HK3: variants seen among roughly 807,000 people sequenced by gnomAD.
The protein encoded by HK3 is hexokinase-3.
Under a neutral mutation model 91.0 loss-of-function variants are expected in HK3, and 93 were observed. The observed-to-expected ratio is 1.02, with a 90% confidence interval of 0.86 to 1.21. HK3 has a LOEUF of 1.21. HK3 is among the 50% of genes most tolerant of loss of function. The pLI, the probability that HK3 is intolerant of heterozygous loss-of-function variation, is 0.00. For missense variants in HK3, 1,235 were observed against 1,247.4 expected, an observed-to-expected ratio of 0.99 and a Z score of 0.15; for synonymous variants, 519 against 516.9, an observed-to-expected ratio of 1.00 and a Z score of -0.06.
chr5:176,881,392 G>A lies in HK3; in HGVS notation c.2537C>T (p.Ala846Val). 1 of 1,613,556 alleles carries A rather than the reference G, an allele frequency of 6.2e-7. No homozygotes were observed. Among genetic ancestry groups the A allele is most frequent in the Non-Finnish European group, 8.5e-7 (1 of 1,180,012 alleles). The change falls in exon 18 of 19, where the codon GCC becomes GTC. Residue 846 changes from alanine to valine, a missense_variant. Physicochemically the swap from Ala to Val is moderately conservative, Grantham distance 64. Transcript: ENST00000292432. ...GTTCTCCCGGATCTTCTCCACCACGGCAGCTACACCCGCCCCACAGAGCTG... is the reference window on the plus strand; with the variant it reads ...GTTCTCCCGGATCTTCTCCACCACGACAGCTACACCCGCCCCACAGAGCTG... ...AAQLCGAGVA[A>V]VVEKIRENRG...
At position 176,884,033 on chromosome 5, in the gene HK3, TCCTA is replaced by T; in HGVS notation, c.1953+2_1953+5del. On this transcript the variant is annotated splice_donor_variant and splice_donor_5th_base_variant and intron_variant, in intron 14 of 18. Coordinates refer to ENST00000292432, the MANE Select transcript of HK3 (RefSeq NM_002115.3). LOFTEE classifies it high-confidence loss of function. This position sits in a 1 kb window ranked among gnomAD's most constrained non-coding sequence, Gnocchi z 4.1. ...GCCCCAAAGCACCCCTAGAACAGGC[TCCTA>T]CCTGTCTGCGAGTGATGGCTTCCCG... 1 of 1,613,258 alleles carries T rather than the reference TCCTA, an allele frequency of 6.2e-7. No individual in the cohort carries two copies. Among genetic ancestry groups the T allele is most frequent in the Middle Eastern group, 1.7e-4 (1 of 6,060 alleles).
intron 5 of HK3, 41 bp from the exon 6 acceptor site, chr5:176,890,771 A>C: frequency 6.2e-7 from 1 of 1,614,214 alleles, no homozygotes. Flanking sequence ...GACGGCCTTC[A>C]TGGGGCTGCA....
chr5:176,882,143 A>G lies in HK3; in HGVS notation c.2054-16T>C. On this transcript the variant is annotated splice_polypyrimidine_tract_variant and intron_variant, in intron 15 of 18. Coordinates refer to ENST00000292432, the MANE Select transcript of HK3 (RefSeq NM_002115.3). ...GTGCCGGTTCCTGCAGAGAGGCCAG[A>G]CAACGTGGAAGCTACTTACTGATGT... is the stretch of plus-strand genomic sequence containing the variant. 1 of 1,611,844 alleles carries G rather than the reference A, an allele frequency of 6.2e-7. No homozygotes were observed. The highest frequency in any genetic ancestry group is 8.5e-7 in the Non-Finnish European group (1 of 1,179,642).
chr5:176,881,647 A>G (rs781155154), intron 17 of HK3, 45 bp downstream of exon 17: 22 of 1,609,786 alleles, frequency 1.4e-5, no homozygotes, highest in Non-Finnish European at 1.8e-5. Context: ...CACAGTGGAC[A>G]GAAAGACCCC....
intron 9 of HK3, 61 bp from the exon 10 acceptor site, chr5:176,888,626 C>A: frequency 6.2e-7 from 1 of 1,610,682 alleles, no homozygotes; most frequent in South Asian, 1.1e-5. Flanking sequence ...CCACTAAAGC[C>A]CCATGGCTAC....
chr5:176,883,964 C>A, intron 14 of HK3, 75 bp downstream of exon 14: 1 of 1,587,160 alleles, frequency 6.3e-7, no homozygotes, highest in South Asian at 1.1e-5. Flanking sequence ...GGGCTCCCCC[C>A]TCAGAAAGTA....
chr5:176,897,184 T>C (rs910119742), intron 1 of HK3, among the ~76,000 whole-genome samples: 1 of 152,210 alleles, frequency 6.6e-6, no homozygotes, highest in Non-Finnish European at 1.5e-5. Flanking sequence ...TCTATGATTC[T>C]CCATTTCCTC....
At chr5:176,882,229 C>T in intron 15 of HK3, 102 bp from the exon 16 acceptor site, 1 of 1,208,104 alleles carries the variant, frequency 8.3e-7, no homozygotes, top group South Asian at 1.3e-5. Context: ...CTCACTCTCT[C>T]TACCTCTCAT....
Position 176,887,589 on chromosome 5 carries a change from C to A in HK3, c.1462G>T (p.Ala488Ser). 6.2e-7 allele frequency: 1 copy of A among 1,613,876 alleles called. No individual in the cohort carries two copies. Among genetic ancestry groups the A allele is most frequent in the Non-Finnish European group, 8.5e-7 (1 of 1,180,008 alleles). The change falls in exon 11 of 19, where the codon GCC (alanine) becomes TCC (serine). Residue 488 changes from alanine (A) to serine (S), a missense_variant. This residue lies in a region of HK3 where 717 missense variants were observed against 751.6 expected (regional missense o/e 0.95). Coordinates refer to ENST00000292432, the MANE Select transcript of HK3 (RefSeq NM_002115.3). The surrounding 1 kb of genome is among the most constrained non-coding windows in gnomAD (Gnocchi z 4.9). ...TGATCATGGTTCAACCGGAATGGGGCCAGGGTCTCCTCCAGCAGGCGCCGG... is the reference window on the plus strand; with the variant it reads ...TGATCATGGTTCAACCGGAATGGGGACAGGGTCTCCTCCAGCAGGCGCCGG... ...AHRRLLEETL[A>S]PFRLNHDQLA... is the part of the protein sequence containing the mutation.
chr5:176,889,613 C>T, intron 7 of HK3, 32 bp downstream of exon 7: 1 of 1,614,156 alleles, frequency 6.2e-7, no homozygotes, highest in Non-Finnish European at 8.5e-7. Context: ...AGCACACCCT[C>T]CACCTGTCAT....
chr5:176,884,103 T>C lies in HK3; in HGVS notation c.1889A>G (p.Lys630Arg). ...ATCTTGGCCCTCGCAGTCTGATGCC[T>C]TGAAACCCTTGGTCCAGTTCAGGAG... ...GILLNWTKGFKASDCEGQDVV... is the reference protein window; with the variant it reads ...GILLNWTKGFRASDCEGQDVV... The change falls in exon 14 of 19, where the codon AAG becomes AGG. Residue 630 changes from lysine to arginine, a missense_variant. Lys to Arg is a conservative substitution (Grantham distance 26). This residue lies in a region of HK3 where 513 missense variants were observed against 477.4 expected (regional missense o/e 1.07). Coordinates refer to ENST00000292432, the MANE Select transcript of HK3 (RefSeq NM_002115.3). This position sits in a 1 kb window ranked among gnomAD's most constrained non-coding sequence, Gnocchi z 4.1. 1 of 1,614,110 alleles carries C rather than the reference T, an allele frequency of 6.2e-7. No individual in the cohort carries two copies. The highest frequency in any genetic ancestry group is 8.5e-7 in the Non-Finnish European group (1 of 1,180,028).
At chr5:176,891,624 A>G (rs1210984776) in intron 2 of HK3, 74 bp from the exon 3 acceptor site, 1 of 1,488,718 alleles carries the variant, frequency 6.7e-7, no homozygotes, top group Non-Finnish European at 9.1e-7. Flanking sequence ...CAAACAAGGC[A>G]GAGGCCTGCC....
rs755957085 is a variant in HK3 at position 176,883,844 on chromosome 5, A to G, written c.1979T>C (p.Ile660Thr). 5 of 1,613,946 alleles carry G rather than the reference A, an allele frequency of 3.1e-6. No individual in the cohort carries two copies. The highest frequency in any genetic ancestry group is 2.7e-5 in the African/African-American group (2 of 74,924). The change falls in exon 15 of 19, where the codon ATT becomes ACT. Residue 660 changes from isoleucine (I) to threonine (T), a missense_variant. Around this residue, in one of 3 missense-constraint regions of HK3, gnomAD observed 513 missense variants for 477.4 expected, o/e 1.07. Transcript: ENST00000292432. The stretch of plus-strand genomic sequence containing the variant: ...CATGGTCCCCACCGTGTCATTGACA[A>G]TGGCAACCACATTCAGCTCCACTGC... ...RQAVELNVVAIVNDTVGTMMS... is the reference protein window; with the variant it reads ...RQAVELNVVATVNDTVGTMMS...
rs142308218 is a variant in HK3 at position 176,881,716 on chromosome 5, G to C, written c.2369C>G (p.Thr790Ser). Reference sequence around the variant, plus strand: ...CCTTTCGATCTCAGAGAGGAACTTGGTCTTGAAGATGTCCCTGGTCTGAAG... The same window carrying C: ...CCTTTCGATCTCAGAGAGGAACTTGCTCTTGAAGATGTCCCTGGTCTGAAG... ...QRLQTRDIFK[T>S]KFLSEIESDS... Residue 790 changes from threonine to serine, a missense_variant, in exon 17 of 19, where the codon ACC becomes AGC. Physicochemically the swap from Thr to Ser is moderately conservative, Grantham distance 58. Around this residue, in one of 3 missense-constraint regions of HK3, gnomAD observed 513 missense variants for 477.4 expected, o/e 1.07. Coordinates refer to ENST00000292432, the MANE Select transcript of HK3 (RefSeq NM_002115.3). The C allele has an allele frequency of 6.2e-7, 1 of 1,613,990 alleles. No individual in the cohort carries two copies. The highest frequency in any genetic ancestry group is 1.7e-5 in the Admixed American group (1 of 60,010).
chr5:176,893,366 C>T (rs1263978120), intron 2 of HK3, among the ~76,000 whole-genome samples: 1 of 152,218 alleles, frequency 6.6e-6, no homozygotes, highest in South Asian at 2.1e-4. Flanking sequence ...AGAAAACTTA[C>T]AGCTGAGTCC....
In HK3 at chr5:176,887,346, G is replaced by T; in HGVS notation, c.1601-9C>A. The T allele has an allele frequency of 1.2e-6, 2 of 1,613,856 alleles. No individual in the cohort carries two copies. The highest frequency in any genetic ancestry group is 1.7e-6 in the Non-Finnish European group (2 of 1,180,036). On this transcript the variant is annotated splice_polypyrimidine_tract_variant and intron_variant, in intron 11 of 18. Coordinates refer to ENST00000292432, the MANE Select transcript of HK3 (RefSeq NM_002115.3). This position sits in a 1 kb window ranked among gnomAD's most constrained non-coding sequence, Gnocchi z 4.9. Reference sequence around the variant, plus strand: ...CAGGAAATCCCCTCGCTCTGTGGGGGCAGAGACCCTCAGTGCCGGGATAGG... The same window carrying T: ...CAGGAAATCCCCTCGCTCTGTGGGGTCAGAGACCCTCAGTGCCGGGATAGG...
chr5:176,892,612 A>G (rs1283126506), intron 2 of HK3, among the ~76,000 whole-genome samples: 1 of 152,182 alleles, frequency 6.6e-6, no homozygotes, highest in African/African-American at 2.4e-5. Context: ...GAAGGGTCAC[A>G]GCCTGGCAAC....
At chr5:176,889,020 G>A (rs553419822) in intron 8 of HK3, among the ~76,000 whole-genome samples, 156 bp from the exon 9 acceptor site, 31 of 152,328 alleles carry the variant, frequency 2.0e-4, no homozygotes, top group Admixed American at 1.5e-3. Context: ...ACAGGTGGGT[G>A]TATGCCCAGA....
intron 10 of HK3, 148 bp downstream of exon 10, chr5:176,888,184 G>A: frequency 2.9e-6 from 2 of 683,044 alleles, no homozygotes; most frequent in Non-Finnish European, 2.6e-6. Context: ...ATGTCTTCTG[G>A]CCTCCCATAG....
Sources: allele counts gnomAD v4.1 joint callset (sites outside exome capture counted in the v4.1 genomes callset), GRCh38; gene constraint gnomAD v4.1.1; regional missense constraint gnomAD v4.1.1; non-coding constraint Gnocchi (gnomAD v3.1); transcripts MANE v1.5; gene names NCBI Gene and HGNC (gene_info 2026-07-23, HGNC 2026-07-21).